GPR12: variants seen among roughly 807,000 people sequenced by gnomAD.
GPR12 encodes G protein-coupled receptor 12, also known as G-protein coupled receptor 12.
Under a neutral mutation model 18.9 loss-of-function variants are expected in GPR12, and 7 were observed. The ratio of observed to expected loss-of-function variants is 0.37; its 90% CI spans 0.21 to 0.70. GPR12 has a LOEUF of 0.70. Among genes scored for constraint, GPR12 ranks in the 30% least tolerant of loss-of-function variants. GPR12 has a pLI of 0.54. For synonymous variants in GPR12, 201 were observed against 188.6 expected, an observed-to-expected ratio of 1.07 and a Z score of -0.54; for missense variants, 327 against 427.7, an observed-to-expected ratio of 0.76 and a Z score of 2.08.
rs376937208 is a variant in GPR12 at position 26,758,800 on chromosome 13, G to A, written c.*23C>T. ...GCAGTGGAAGTGCTTGGTAAATGCA[G>A]AGTCCTCCTGGGTGCAAGGGTGCTA... On this transcript the variant is annotated 3_prime_UTR_variant, in exon 2 of 2. Coordinates refer to ENST00000405846, the MANE Select transcript of GPR12 (RefSeq NM_005288.4). The A allele has an allele frequency of 8.9e-6, 14 of 1,568,934 alleles. No individual in the cohort carries two copies. The highest frequency in any genetic ancestry group is 1.2e-5 in the Non-Finnish European group (14 of 1,154,248).
At chr13:26,759,942 T>A in intron 1 of GPR12, 100 bp from the exon 2 acceptor site, 1 of 1,441,322 alleles carries the variant, frequency 6.9e-7, no homozygotes, top group Non-Finnish European at 9.1e-7. Flanking sequence ...CAGCCCCTGC[T>A]CAGATACCAG....
chr13:26,759,596 G>C lies in GPR12; in HGVS notation c.232C>G (p.Pro78Ala). 1.2e-6 allele frequency: 2 copies of C among 1,614,200 alleles called. No individual in the cohort carries two copies. The highest frequency in any genetic ancestry group is 1.7e-6 in the Non-Finnish European group (2 of 1,180,036). ...AGGCTGCCTATTAGCAGGAACATGG[G>C]TGCTCGCAGGCTGGGGTTGTGGAAG... ...IIFHNPSLRA[P>A]MFLLIGSLAL... Residue 78 changes from proline to alanine, a missense_variant, in exon 2 of 2, where the codon CCC becomes GCC. By Grantham distance (27) the Pro-to-Ala change is conservative. Transcript: ENST00000405846.
chr13:26,759,481 G>A lies in GPR12; in HGVS notation c.347C>T (p.Thr116Met). 6.2e-7 allele frequency: 1 copy of A among 1,614,190 alleles called. No homozygotes were observed. Among genetic ancestry groups the A allele is most frequent in the Non-Finnish European group, 8.5e-7 (1 of 1,180,034 alleles). Residue 116 changes from threonine (T) to methionine (M), a missense_variant, in exon 2 of 2, where the codon ACG becomes ATG. Coordinates refer to ENST00000405846, the MANE Select transcript of GPR12 (RefSeq NM_005288.4). ...GAAAGAGGCGACAATGAGGCCGATC[G>A]TGACCAGCTTGGTGGCTTCTGACTG... is the stretch of plus-strand genomic sequence containing the variant. Reference protein sequence around the residue: ...LLQSEATKLVTIGLIVASFSA... With the variant: ...LLQSEATKLVMIGLIVASFSA...
At position 26,759,151 on chromosome 13, in the gene GPR12, C is replaced by T; in HGVS notation, c.677G>A (p.Arg226Lys). 2 of 1,613,522 alleles carry T rather than the reference C, an allele frequency of 1.2e-6. No individual in the cohort carries two copies. The highest frequency in any genetic ancestry group is 1.7e-6 in the Non-Finnish European group (2 of 1,179,968). Residue 226 changes from arginine (R) to lysine (K), a missense_variant, in exon 2 of 2, where the codon AGG becomes AAG. Arg to Lys is a conservative substitution (Grantham distance 26). Coordinates refer to ENST00000405846, the MANE Select transcript of GPR12 (RefSeq NM_005288.4). ...CTGCAGGGCTATCTGATGGGCGTGC[C>T]TCATCACAATCTTACAGATCTGGAT... ...LYIQICKIVM[R>K]HAHQIALQHH...
At position 26,758,089 on chromosome 13, in the gene GPR12, G is replaced by A. The variant is rs1193734425; in HGVS notation, c.*734C>T. 2 of 152,096 alleles carry A rather than the reference G, an allele frequency of 1.3e-5. No individual in the cohort carries two copies. Among genetic ancestry groups the A allele is most frequent in the East Asian group, 1.9e-4 (1 of 5,198 alleles). The allele number at this position is 152,096 out of a possible 1,614,324, so 9.4% of individuals were successfully genotyped here. On this transcript the variant is annotated 3_prime_UTR_variant, in exon 2 of 2. Coordinates refer to ENST00000405846, the MANE Select transcript of GPR12 (RefSeq NM_005288.4). ...GGAAAACTATATTGAAAAATGACCC[G>A]TTGGAATCTAGATTGACATGGCAAC... is the stretch of plus-strand genomic sequence containing the variant.
chr13:26,760,527 G>A (rs2137580852), intron 1 of GPR12, 52 bp downstream of exon 1: 1 of 152,176 alleles, frequency 6.6e-6, no homozygotes, highest in African/African-American at 2.4e-5. Context: ...GGGACAGACA[G>A]GGTGCGGGGA....
rs778733472 is a variant in GPR12, at chr13:26,759,481, G to C, written c.347C>G (p.Thr116Arg). 3.1e-6 allele frequency: 5 copies of C among 1,614,190 alleles called. No individual in the cohort carries two copies. In the Admixed American group the frequency reaches 5.0e-5, roughly 16 times the overall value. ...GAAAGAGGCGACAATGAGGCCGATCGTGACCAGCTTGGTGGCTTCTGACTG... is the reference window on the plus strand; with the variant it reads ...GAAAGAGGCGACAATGAGGCCGATCCTGACCAGCTTGGTGGCTTCTGACTG... ...LLQSEATKLVTIGLIVASFSA... is the reference protein window; with the variant it reads ...LLQSEATKLVRIGLIVASFSA... Residue 116 changes from threonine to arginine, a missense_variant, in exon 2 of 2, where the codon ACG becomes AGG. Transcript: ENST00000405846.
At position 26,759,195 on chromosome 13, in the gene GPR12, C is replaced by T. The variant is rs780499950; in HGVS notation, c.633G>A (p.Ala211=). The part of the protein sequence containing the change: ...ILSVSFLFMF[A]LMLQLYIQIC... Reference sequence around the variant, plus strand: ...TCTGGATGTAGAGCTGAAGCATGAGCGCAAACATGAAGAGGAAGGACACCG... The same window carrying T: ...TCTGGATGTAGAGCTGAAGCATGAGTGCAAACATGAAGAGGAAGGACACCG... The change falls in exon 2 of 2, where the codon GCG becomes GCA. Residue 211 remains alanine (A), a synonymous_variant. Coordinates refer to ENST00000405846, the MANE Select transcript of GPR12 (RefSeq NM_005288.4). The T allele has an allele frequency of 1.2e-6, 2 of 1,612,862 alleles. No individual in the cohort carries two copies. The highest frequency in any genetic ancestry group is 2.2e-5 in the South Asian group (2 of 90,970).
rs763296317 is a variant in GPR12, at chr13:26,759,701, C to A, written c.127G>T (p.Val43Leu). 6.2e-7 allele frequency: 1 copy of A among 1,613,936 alleles called. No homozygotes were observed. Among genetic ancestry groups the A allele is most frequent in the Admixed American group, 1.7e-5 (1 of 60,012 alleles). Reference sequence around the variant, plus strand: ...AAGACAATGTCCCAGGGGTTGACTACGAGCTCAGGCTCTGGCTCTACGGCA... The same window carrying A: ...AAGACAATGTCCCAGGGGTTGACTAAGAGCTCAGGCTCTGGCTCTACGGCA... ...VPAVEPEPEL[V>L]VNPWDIVLCT... Residue 43 changes from valine (V) to leucine (L), a missense_variant, in exon 2 of 2, where the codon GTA becomes TTA. Val to Leu is a conservative substitution (Grantham distance 32). Coordinates refer to ENST00000405846, the MANE Select transcript of GPR12 (RefSeq NM_005288.4).
intron 1 of GPR12, chr13:26,760,318 C>A: frequency 5.9e-6 from 1 of 169,340 alleles, no homozygotes. Context: ...CAAACGCATC[C>A]CCCGCGCGCG....
chr13:26,759,882 C>G (rs1884451206), intron 1 of GPR12, 40 bp from the exon 2 acceptor site: 1 of 1,514,822 alleles, frequency 6.6e-7, no homozygotes, highest in Non-Finnish European at 8.8e-7. Flanking sequence ...TTAAATACAG[C>G]AGGGTGACAA....
rs1192199293 is a variant in GPR12, at chr13:26,757,558, T to C, written c.*1265A>G. 2 of 152,248 alleles carry C rather than the reference T, an allele frequency of 1.3e-5. No homozygotes were observed. Among genetic ancestry groups the C allele is most frequent in the Non-Finnish European group, 2.9e-5 (2 of 68,042 alleles). The allele number at this position is 152,248 out of a possible 1,614,324, so 9.4% of individuals were successfully genotyped here. ...AAAACAGGCAATGTGATTTTTATTG[T>C]GTATAAATTGGTTTTTGGTGAAAAG... On this transcript the variant is annotated 3_prime_UTR_variant, in exon 2 of 2. Coordinates refer to ENST00000405846, the MANE Select transcript of GPR12 (RefSeq NM_005288.4).
Position 26,759,454 on chromosome 13 carries a change from G to C in GPR12, c.374C>G (p.Ser125Cys). Residue 125 changes from serine to cysteine, a missense_variant, in exon 2 of 2, where the codon TCT (serine) becomes TGT (cysteine). Coordinates refer to ENST00000405846, the MANE Select transcript of GPR12 (RefSeq NM_005288.4). ...VTIGLIVASF[S>C]ASVCSLLAIT... is the part of the protein sequence containing the mutation. ...AGCCAGCAAGCTGCAGACAGAGGCA[G>C]AGAAAGAGGCGACAATGAGGCCGAT... The C allele has an allele frequency of 1.2e-6, 2 of 1,614,194 alleles. No individual in the cohort carries two copies. The highest frequency in any genetic ancestry group is 1.7e-6 in the Non-Finnish European group (2 of 1,180,034).
At position 26,758,031 on chromosome 13, in the gene GPR12, C is replaced by A. The variant is rs900266954; in HGVS notation, c.*792G>T. 1.3e-5 allele frequency: 2 copies of A among 152,038 alleles called. No homozygotes were observed. The highest frequency in any genetic ancestry group is 4.8e-5 in the African/African-American group (2 of 41,378). The allele number at this position is 152,038 out of a possible 1,614,324, so 9.4% of individuals were successfully genotyped here. A position where few individuals can be genotyped will look rare whatever the true frequency, so the allele number is the denominator to read the frequency against. ...TCCTACTTCATATGAAGATCAAAACCTACTTCAGGATTCATTTTAGAAAGT... is the reference window on the plus strand; with the variant it reads ...TCCTACTTCATATGAAGATCAAAACATACTTCAGGATTCATTTTAGAAAGT... On this transcript the variant is annotated 3_prime_UTR_variant, in exon 2 of 2. Transcript: ENST00000405846.
chr13:26,758,118 T>A lies in GPR12; in HGVS notation c.*705A>T, dbSNP rs567940608. ...GAATCTAGATTGACATGGCAACATTTGAAACAAGTGGTCTAGCTAACACAG... is the reference window on the plus strand; with the variant it reads ...GAATCTAGATTGACATGGCAACATTAGAAACAAGTGGTCTAGCTAACACAG... On this transcript the variant is annotated 3_prime_UTR_variant, in exon 2 of 2. Coordinates refer to ENST00000405846, the MANE Select transcript of GPR12 (RefSeq NM_005288.4). 2 of 152,322 alleles carry A rather than the reference T, an allele frequency of 1.3e-5. No homozygotes were observed. Among genetic ancestry groups the A allele is most frequent in the East Asian group, 3.9e-4 (2 of 5,188 alleles). The allele number at this position is 152,322 out of a possible 1,614,324, so 9.4% of individuals were successfully genotyped here.
At chr13:26,760,189 A>C in intron 1 of GPR12, 1 of 192,528 alleles carries the variant, frequency 5.2e-6, no homozygotes, top group Non-Finnish European at 1.2e-5. Flanking sequence ...AAAACGAACA[A>C]CTGTTTGACA....
Position 26,759,832 on chromosome 13 carries a change from A to T in GPR12, c.-5T>A, listed in dbSNP as rs373469950. Reference sequence around the variant, plus strand: ...GACCTTCAGGTCTTCATTCATTTTAACCCCTGTCCTCTTCAACGAAAAGAC... The same window carrying T: ...GACCTTCAGGTCTTCATTCATTTTATCCCCTGTCCTCTTCAACGAAAAGAC... On this transcript the variant is annotated 5_prime_UTR_variant, in exon 2 of 2. Coordinates refer to ENST00000405846, the MANE Select transcript of GPR12 (RefSeq NM_005288.4). 1.2e-5 allele frequency: 18 copies of T among 1,553,208 alleles called. No homozygotes were observed. The highest frequency in any genetic ancestry group is 1.6e-5 in the Non-Finnish European group (18 of 1,148,662).
Position 26,756,012 on chromosome 13 carries a change from T to C in GPR12, c.*2811A>G, listed in dbSNP as rs1335080326. 1 of 151,910 alleles carries C rather than the reference T, an allele frequency of 6.6e-6. No individual in the cohort carries two copies. The highest frequency in any genetic ancestry group is 1.5e-5 in the Non-Finnish European group (1 of 67,976). 9.4% of individuals were successfully genotyped at this position (151,910 alleles called of 1,614,324 possible). A position where few individuals can be genotyped will look rare whatever the true frequency, so the allele number is the denominator to read the frequency against. On this transcript the variant is annotated 3_prime_UTR_variant, in exon 2 of 2. Transcript: ENST00000405846. ...GTGTGCACATTTAAAAATAATTAGC[T>C]CCACAGGAAAAAAGAAACCTTGTAG...
Position 26,759,275 on chromosome 13 carries a change from C to A in GPR12, c.553G>T (p.Glu185Ter). 6.2e-7 allele frequency: 1 copy of A among 1,613,056 alleles called. No individual in the cohort carries two copies. The change falls in exon 2 of 2, where the codon GAG (glutamate) becomes TAG (stop). Residue 185 changes from glutamate (E) to a stop codon, truncating the protein, a stop_gained. Transcript: ENST00000405846. LOFTEE classifies it high-confidence loss of function. Reference protein sequence around the residue: ...PVMGWNCLRDESTCSVVRPLT... With the variant: ...PVMGWNCLRD ...GGTCTGACCACGCTGCAGGTGGACT[C>A]GTCTCGGAGGCAGTTCCAGCCCATG...
Sources: gnomAD v4.1 joint callset for allele counts on GRCh38, gnomAD v4.1.1 for gene constraint, MANE v1.5 for transcripts, NCBI Gene and HGNC (gene_info 2026-07-23, HGNC 2026-07-21) for gene names.